AKAP6: variants seen among roughly 807,000 people sequenced by gnomAD.
AKAP6 encodes the protein A-kinase anchoring protein 6.
In AKAP6, 58 loss-of-function variants were observed where a neutral mutation model predicts 188.5. That is an observed-to-expected ratio of 0.31 (90% CI 0.25 to 0.38). AKAP6 has a LOEUF of 0.38. Ranked by LOEUF, AKAP6 falls within the 10% of genes least tolerant of loss-of-function variation. AKAP6 has a pLI of 1.00. For missense variants in AKAP6, 2,710 were observed against 2,740.0 expected (o/e 0.99, Z 0.24); for synonymous variants, 989 against 998.6 (o/e 0.99, Z 0.18).
At chr14:32,426,974 G>A (rs1238049650) in intron 1 of AKAP6, among the ~76,000 whole-genome samples, 4 of 152,152 alleles carry the variant, frequency 2.6e-5, no homozygotes, top group African/African-American at 9.7e-5. Flanking sequence ...GAGATGGTGC[G>A]TGGTCTCTAA....
At chr14:32,622,480 A>G (rs1050269160) in intron 7 of AKAP6, among the ~76,000 whole-genome samples, 4 of 152,168 alleles carry the variant, frequency 2.6e-5, no homozygotes, top group African/African-American at 9.6e-5. Context: ...ACCATAAGCC[A>G]TAAGAAAAAT....
At chr14:32,372,770 CTGTGTG>C (rs3031400) in intron 1 of AKAP6, among the ~76,000 whole-genome samples, 62,137 of 147,320 alleles carry the variant, frequency 0.42, 13,340 homozygotes, top group South Asian at 0.55. Context: ...TTTTGTTGCT[CTGTGTG>C]TGTGTGTGTG....
rs140336049 is a variant in AKAP6 at position 32,672,174 on chromosome 14, T to C, written c.2731-6137T>C. 2.6e-4 allele frequency among the ~76,000 whole-genome samples: 39 copies of C among 152,322 alleles called. No individual in the cohort carries two copies. The East Asian group carries it at 7.5e-3, about 29-fold the overall frequency. On this transcript the variant is annotated intron_variant, in intron 7 of 13. Coordinates refer to ENST00000280979, the MANE Select transcript of AKAP6 (RefSeq NM_004274.5). Reference sequence around the variant, plus strand: ...TGCATTTTGTGTCCTTATTAAATTATTAAGTATTAATTTGTAGTCTGAATT... The same window carrying C: ...TGCATTTTGTGTCCTTATTAAATTACTAAGTATTAATTTGTAGTCTGAATT...
At chr14:32,447,921 C>T (rs1890809336) in intron 2 of AKAP6, among the ~76,000 whole-genome samples, 1 of 152,138 alleles carries the variant, frequency 6.6e-6, no homozygotes, top group African/African-American at 2.4e-5. Context: ...ACAAATCTAC[C>T]CATGCACATT....
intron 1 of AKAP6, among the ~76,000 whole-genome samples, chr14:32,347,702 A>T (rs1043722712): frequency 6.6e-6 from 1 of 152,184 alleles, no homozygotes; most frequent in South Asian, 2.1e-4. Context: ...TGTAATACCA[A>T]TGCCCCTGAC....
chr14:32,760,488 GGTTTGT>G (rs1350950626), intron 11 of AKAP6, among the ~76,000 whole-genome samples: 1 of 152,058 alleles, frequency 6.6e-6, no homozygotes, highest in Non-Finnish European at 1.5e-5. Context: ...CTTAAGTTGT[GGTTTGT>G]TTTTCAATCC....
At chr14:32,481,987 TG>T (rs763209291) in intron 2 of AKAP6, among the ~76,000 whole-genome samples, 1,731 of 152,302 alleles carry the variant, frequency 0.011, 14 homozygotes, top group East Asian at 0.026. Context: ...TGTTCCATCT[TG>T]GAACAAATTG....
At position 32,530,817 on chromosome 14, in the gene AKAP6, T is replaced by C. The variant is rs113958821; in HGVS notation, c.325-4737T>C. Among the ~76,000 whole-genome samples, 267 of 152,222 alleles carry C rather than the reference T, an allele frequency of 1.8e-3. 1 individual carries two copies. Among genetic ancestry groups the C allele is most frequent in the African/African-American group, 6.0e-3 (251 of 41,520 alleles). ...GAAGAAATAAGATACAATGAAAAAGTGTACAATAATATGTTTTACAAAAGG... is the reference window on the plus strand; with the variant it reads ...GAAGAAATAAGATACAATGAAAAAGCGTACAATAATATGTTTTACAAAAGG... On this transcript the variant is annotated intron_variant, in intron 2 of 13. Coordinates refer to ENST00000280979, the MANE Select transcript of AKAP6 (RefSeq NM_004274.5).
intron 13 of AKAP6, among the ~76,000 whole-genome samples, chr14:32,826,915 A>G (rs2034688347): frequency 2.0e-5 from 3 of 152,176 alleles, no homozygotes; most frequent in Non-Finnish European, 4.4e-5. Context: ...TTACTTCTGC[A>G]GAACTCACAT....
At chr14:32,441,609 C>G (rs1196498924) in intron 2 of AKAP6, among the ~76,000 whole-genome samples, 1 of 152,068 alleles carries the variant, frequency 6.6e-6, no homozygotes, top group Non-Finnish European at 1.5e-5. Context: ...TATGAACACT[C>G]TTGATTAAGA....
chr14:32,795,155 CA>C (rs950721310), intron 12 of AKAP6, among the ~76,000 whole-genome samples: 43 of 151,926 alleles, frequency 2.8e-4, no homozygotes, highest in Admixed American at 1.1e-3. Context: ...GCCCACCAAC[CA>C]AAAAAAGCCC....
chr14:32,572,457 A>G (rs1157556725), intron 4 of AKAP6, among the ~76,000 whole-genome samples: 1 of 152,212 alleles, frequency 6.6e-6, no homozygotes, highest in Non-Finnish European at 1.5e-5. Flanking sequence ...CCCTGGCCCC[A>G]TATATGGCAC....
rs371708448 is a variant in AKAP6, at chr14:32,822,280, C to T, written c.4467C>T (p.Ser1489=). The T allele has an allele frequency of 4.2e-5, 67 of 1,613,618 alleles. No homozygotes were observed. The highest frequency in any genetic ancestry group is 3.6e-4 in the African/African-American group (27 of 74,926). ...CAATGATAATGAAACAGTCACAAAG[C>T]GAAAAAGCGCATGTGGAGGATCCCC... The part of the protein sequence containing the change: ...KLPMIMKQSQ[S]EKAHVEDPLL... Residue 1489 remains serine (S), a synonymous_variant, in exon 13 of 14, where the codon AGC becomes AGT. Coordinates refer to ENST00000280979, the MANE Select transcript of AKAP6 (RefSeq NM_004274.5).
chr14:32,366,950 C>T (rs1187664254), intron 1 of AKAP6, among the ~76,000 whole-genome samples: 1 of 152,080 alleles, frequency 6.6e-6, no homozygotes, highest in African/African-American at 2.4e-5. Context: ...TATAAATCAG[C>T]CGATATCCCT....
intron 5 of AKAP6, among the ~76,000 whole-genome samples, chr14:32,579,817 G>A (rs17099326): frequency 1.3e-5 from 2 of 152,014 alleles, no homozygotes; most frequent in African/African-American, 4.8e-5. Flanking sequence ...TAAGCCTAGA[G>A]ATTTGTATTC....
At chr14:32,416,599 G>A (rs1055768987) in intron 1 of AKAP6, among the ~76,000 whole-genome samples, 1 of 152,048 alleles carries the variant, frequency 6.6e-6, no homozygotes, top group Non-Finnish European at 1.5e-5. Flanking sequence ...CTGTCGCCCA[G>A]GCTGGAGTGC....
At chr14:32,696,681 T>C (rs1890416139) in intron 9 of AKAP6, among the ~76,000 whole-genome samples, 1 of 152,218 alleles carries the variant, frequency 6.6e-6, no homozygotes, top group Admixed American at 6.5e-5. Flanking sequence ...ATCCATCTAA[T>C]AACTATCTAT....
intron 7 of AKAP6, among the ~76,000 whole-genome samples, chr14:32,645,929 A>G (rs1395241188): frequency 2.0e-5 from 3 of 152,196 alleles, no homozygotes; most frequent in Non-Finnish European, 4.4e-5. Context: ...CATTGATTAT[A>G]TGAAAAACTA....
intron 7 of AKAP6, among the ~76,000 whole-genome samples, chr14:32,668,375 G>A (rs1374485438): frequency 6.6e-6 from 1 of 152,008 alleles, no homozygotes; most frequent in East Asian, 1.9e-4. Context: ...TTTTGTTGCT[G>A]TTACTTTTAA....
Sources: allele counts gnomAD v4.1 joint callset (sites outside exome capture counted in the v4.1 genomes callset), GRCh38; gene constraint gnomAD v4.1.1; transcripts MANE v1.5; gene names NCBI Gene and HGNC (gene_info 2026-07-23, HGNC 2026-07-21).